PUM1: variants seen among roughly 807,000 people sequenced by gnomAD.
PUM1 encodes pumilio RNA binding family member 1.
Under a neutral mutation model 131.8 loss-of-function variants are expected in PUM1, and 13 were observed. The observed-to-expected ratio is 0.10, with a 90% CI of 0.06 to 0.16. The LOEUF (loss-of-function observed/expected upper bound fraction) is 0.16, where lower values mean the gene tolerates loss of function less well. Among genes scored for constraint, PUM1 ranks in the 10% least tolerant of loss-of-function variants. The pLI, the probability that PUM1 is intolerant of heterozygous loss-of-function variation, is 1.00. For missense variants in PUM1, 961 were observed against 1,512.4 expected (o/e 0.64, Z 6.05); for synonymous variants, 509 against 556.5 (o/e 0.91, Z 1.20).
At chr1:30,980,340 A>T (rs971761770) in intron 8 of PUM1, among the ~76,000 whole-genome samples, 177 bp from the exon 9 acceptor site, 1 of 152,228 alleles carries the variant, frequency 6.6e-6, no homozygotes, top group Admixed American at 6.5e-5. Flanking sequence ...TATACTAAAG[A>T]TTATAATGAA....
At chr1:30,999,372 C>A (rs1229214182) in intron 5 of PUM1, among the ~76,000 whole-genome samples, 1 of 151,858 alleles carries the variant, frequency 6.6e-6, no homozygotes, top group African/African-American at 2.4e-5. Context: ...TTTGAGAGGC[C>A]GAGGCAGGCG....
At position 31,046,931 on chromosome 1, in the gene PUM1, C is replaced by T. The variant is rs1259011831; in HGVS notation, c.363+12273G>A. ...AGCAGGCTATGCACAGTGGCTCACG[C>T]CTGTAATCTCAGCACTTTGGAAGGC... On this transcript the variant is annotated intron_variant, in intron 2 of 21. Transcript: ENST00000426105. Among the ~76,000 whole-genome samples, 5 of 152,288 alleles carry T rather than the reference C, an allele frequency of 3.3e-5. No homozygotes were observed. In the South Asian group the frequency reaches 6.2e-4, roughly 19 times the overall value.
At chr1:31,017,812 A>G (rs1642875314) in intron 3 of PUM1, among the ~76,000 whole-genome samples, 1 of 152,166 alleles carries the variant, frequency 6.6e-6, no homozygotes, top group South Asian at 2.1e-4. Context: ...AAGCACCCCT[A>G]GGGCTCTAAT....
chr1:30,945,631 G>A (rs1214808286), intron 17 of PUM1, 148 bp from the exon 18 acceptor site: 2 of 806,260 alleles, frequency 2.5e-6, no homozygotes, highest in African/African-American at 3.5e-5. Context: ...ATGACAACAG[G>A]GAAACAAATG....
In PUM1 at chr1:30,957,875, A is replaced by C. The variant is rs2377661; in HGVS notation, c.2324-3894T>G. Among the ~76,000 whole-genome samples the C allele has an allele frequency of 8.3e-3, 1,270 of 152,336 alleles. 22 individuals carry two copies. Among genetic ancestry groups the C allele is most frequent in the African/African-American group, 0.028 (1,178 of 41,584 alleles). Reference sequence around the variant, plus strand: ...AATGTTTTAAAAATAAGTTCTCTCCAATTCATTCTCCAACACAACACCAAG... The same window carrying C: ...AATGTTTTAAAAATAAGTTCTCTCCCATTCATTCTCCAACACAACACCAAG... On this transcript the variant is annotated intron_variant, in intron 14 of 21. Transcript: ENST00000426105.
At chr1:31,011,770 A>T (rs879034316) in intron 3 of PUM1, among the ~76,000 whole-genome samples, 1 of 152,212 alleles carries the variant, frequency 6.6e-6, no homozygotes. Flanking sequence ...CCCCATCAAG[A>T]ATCTGGAAAT....
At chr1:31,038,677 G>A (rs929581134) in intron 2 of PUM1, among the ~76,000 whole-genome samples, 2 of 151,858 alleles carry the variant, frequency 1.3e-5, no homozygotes, top group Admixed American at 6.6e-5. Context: ...TTTAAAACAC[G>A]CATACAAATA....
chr1:30,947,767 A>G (rs1347936141), intron 17 of PUM1, among the ~76,000 whole-genome samples: 1 of 152,232 alleles, frequency 6.6e-6, no homozygotes, highest in East Asian at 1.9e-4. Flanking sequence ...AGTACCTCAA[A>G]GCAACTAAGA....
intron 2 of PUM1, among the ~76,000 whole-genome samples, chr1:31,029,496 T>C (rs1410509741): frequency 2.6e-5 from 4 of 152,266 alleles, no homozygotes; most frequent in South Asian, 2.1e-4. Flanking sequence ...ACAATCTCTT[T>C]AGGCTTCAAT....
intron 7 of PUM1, 143 bp downstream of exon 7, chr1:30,992,247 T>G: frequency 8.9e-7 from 1 of 1,125,960 alleles, no homozygotes; most frequent in Admixed American, 2.7e-5. Context: ...TCTGTAAACC[T>G]ACATCACTAA....
chr1:30,933,112 C>T lies in PUM1; in HGVS notation c.*99G>A, dbSNP rs761834673. ...AGTAATCCTGGAGCAACCACTTGCC[C>T]GTCTCAGACTCTACACTAGAACATT... On this transcript the variant is annotated 3_prime_UTR_variant, in exon 22 of 22. Transcript: ENST00000426105. The T allele has an allele frequency of 8.6e-6, 12 of 1,395,564 alleles. No homozygotes were observed. Among genetic ancestry groups the T allele is most frequent in the Admixed American group, 2.6e-5 (1 of 37,844 alleles). The allele number at this position is 1,395,564 out of a possible 1,614,324, so 86.4% of individuals were successfully genotyped here. A position where few individuals can be genotyped will look rare whatever the true frequency, so the allele number is the denominator to read the frequency against.
chr1:30,931,636 A>C lies in PUM1; in HGVS notation c.*1575T>G, dbSNP rs1313572024. 1 of 152,704 alleles carries C rather than the reference A, an allele frequency of 6.5e-6. No homozygotes were observed. Among genetic ancestry groups the C allele is most frequent in the East Asian group, 1.9e-4 (1 of 5,206 alleles). 9.5% of individuals were successfully genotyped at this position (152,704 alleles called of 1,614,324 possible). A position where few individuals can be genotyped will look rare whatever the true frequency, so the allele number is the denominator to read the frequency against. On this transcript the variant is annotated 3_prime_UTR_variant, in exon 22 of 22. Transcript: ENST00000426105. ...GTTTGTTAATTATACACATATGGTT[A>C]CAAGTGTGCTTGCAAAAAAGTTCAT...
intron 7 of PUM1, among the ~76,000 whole-genome samples, chr1:30,983,649 G>A (rs1405799537): frequency 6.6e-6 from 1 of 152,074 alleles, no homozygotes. Flanking sequence ...CTGTCACCCA[G>A]GCTTAAATGC....
intron 1 of PUM1, 24 bp from the exon 2 acceptor site, chr1:31,059,601 A>G: frequency 6.5e-7 from 1 of 1,544,830 alleles, no homozygotes; most frequent in East Asian, 2.3e-5. Flanking sequence ...GGTTACAAAT[A>G]TTTAATATTT....
chr1:31,012,699 A>G (rs1331832023), intron 3 of PUM1, among the ~76,000 whole-genome samples: 1 of 152,044 alleles, frequency 6.6e-6, no homozygotes, highest in Non-Finnish European at 1.5e-5. Context: ...TTTCCTTTCC[A>G]TCTAACAAAA....
chr1:31,005,805 G>GAA, intron 5 of PUM1, 48 bp downstream of exon 5: 1 of 1,457,536 alleles, frequency 6.9e-7, no homozygotes, highest in Non-Finnish European at 9.2e-7. Flanking sequence ...GAGAGAGAGA[G>GAA]AGAGAGAGAG....
chr1:31,033,930 G>T (rs183464053), intron 2 of PUM1, among the ~76,000 whole-genome samples: 2 of 151,988 alleles, frequency 1.3e-5, no homozygotes, highest in African/African-American at 4.8e-5. Context: ...ATTAGCCACC[G>T]CACCCAGCCA....
At chr1:30,968,180 G>GCT in intron 11 of PUM1, 174 bp downstream of exon 11, 1 of 864,712 alleles carries the variant, frequency 1.2e-6, no homozygotes, top group Non-Finnish European at 2.0e-6. Context: ...TCAGAACAAT[G>GCT]CTCTCATCAG....
intron 3 of PUM1, 90 bp from the exon 4 acceptor site, chr1:31,007,192 A>T: frequency 1.1e-6 from 1 of 933,728 alleles, no homozygotes; most frequent in Non-Finnish European, 1.7e-6. Context: ...AGGGTACTGA[A>T]GATGCTCACG....
Sources: gnomAD v4.1 joint callset for allele counts (sites outside exome capture counted in the v4.1 genomes callset) on GRCh38, gnomAD v4.1.1 for gene constraint, MANE v1.5 for transcripts, NCBI Gene and HGNC (gene_info 2026-07-23, HGNC 2026-07-21) for gene names.